DHRSX: variants seen among roughly 807,000 people sequenced by gnomAD.
DHRSX encodes the protein dehydrogenase/reductase X-linked.
DHRSX carries 31 observed loss-of-function variants against 34.0 expected under a neutral mutation model. The observed-to-expected ratio is 0.91, with a 90% confidence interval of 0.69 to 1.23. The LOEUF is 1.23. Among genes scored for constraint, DHRSX ranks in the 50% most tolerant of loss-of-function variants. DHRSX has a pLI of 0.00. For synonymous variants in DHRSX, 201 were observed against 183.8 expected, an observed-to-expected ratio of 1.09 and a Z score of -0.76; for missense variants, 414 against 428.1, an observed-to-expected ratio of 0.97 and a Z score of 0.29.
intron 5 of DHRSX, among the ~76,000 whole-genome samples, chrX:2,243,788 GTTTTTTTTTTTTTTTTTTT>G (rs778957532): frequency 1.6e-4 from 4 of 25,166 alleles, no homozygotes; most frequent in South Asian, 2.5e-3. Flanking sequence ...TATGCTCCCT[GTTTTTTTTTTTTTTTTTTT>G]TTTTTTTTTT....
At chrX:2,286,503 A>G (rs1602873267) in intron 4 of DHRSX, among the ~76,000 whole-genome samples, 1 of 152,128 alleles carries the variant, frequency 6.6e-6, no homozygotes, top group Non-Finnish European at 1.5e-5. Flanking sequence ...GCCCCTTTCC[A>G]AGCCCATGGG....
chrX:2,336,670 G>A (rs901726067), intron 3 of DHRSX, among the ~76,000 whole-genome samples: 1 of 151,526 alleles, frequency 6.6e-6, no homozygotes, highest in African/African-American at 2.4e-5. Context: ...CATGATCTTG[G>A]CTCACTGCAA....
intron 1 of DHRSX, among the ~76,000 whole-genome samples, chrX:2,448,347 C>T (rs1242721045): frequency 2.0e-5 from 3 of 152,002 alleles, no homozygotes; most frequent in Middle Eastern, 3.4e-3. Flanking sequence ...ATATAAATTA[C>T]ATTAAAATTA....
intron 1 of DHRSX, among the ~76,000 whole-genome samples, chrX:2,483,057 C>A (rs1014589378): frequency 1.4e-5 from 2 of 143,322 alleles, no homozygotes; most frequent in Admixed American, 6.8e-5. Context: ...CCTGGCAGAA[C>A]AAGCACAACT....
chrX:2,449,388 G>C (rs978590738), intron 1 of DHRSX, among the ~76,000 whole-genome samples: 1 of 152,126 alleles, frequency 6.6e-6, no homozygotes, highest in Non-Finnish European at 1.5e-5. Context: ...GTACATGCAA[G>C]GTGCACTGAG....
At chrX:2,293,482 G>A (rs775030379) in intron 3 of DHRSX, among the ~76,000 whole-genome samples, 1 of 152,292 alleles carries the variant, frequency 6.6e-6, no homozygotes, top group African/African-American at 2.4e-5. Flanking sequence ...CTTACATTGA[G>A]ATGGGAAGGT....
chrX:2,425,793 C>T (rs1425604719), intron 1 of DHRSX, among the ~76,000 whole-genome samples: 2 of 152,096 alleles, frequency 1.3e-5, no homozygotes, highest in Admixed American at 6.5e-5. Context: ...AGAGGAGGGG[C>T]GTGTTGACAC....
chrX:2,450,150 C>CAATA (rs67396748), intron 1 of DHRSX, among the ~76,000 whole-genome samples: 1 of 150,512 alleles, frequency 6.6e-6, no homozygotes, highest in Admixed American at 6.6e-5. Context: ...AAAAAAGTAC[C>CAATA]AATAAATAAA....
chrX:2,259,766 C>T (rs1254339627), intron 5 of DHRSX, among the ~76,000 whole-genome samples: 1 of 151,950 alleles, frequency 6.6e-6, no homozygotes. Context: ...GGTCAGATCA[C>T]TCCAGTCTCT....
Position 2,500,825 on chromosome X carries a change from A to C in DHRSX, c.101T>G (p.Leu34Arg). Residue 34 changes from leucine (L) to arginine (R), a missense_variant, in exon 1 of 7, where the codon CTG (leucine) becomes CGG (arginine). Coordinates refer to ENST00000334651, the MANE Select transcript of DHRSX (RefSeq NM_145177.3). ...QLLRRCRGGF[L>R]EPVFPPRPDR... Reference sequence around the variant, plus strand: ...TGCCCCGCCCCGCTGACCTGGCTCCAGGAAGCCCCCGCGGCAGCGCCGCAG... The same window carrying C: ...TGCCCCGCCCCGCTGACCTGGCTCCCGGAAGCCCCCGCGGCAGCGCCGCAG... The C allele has an allele frequency of 9.1e-7, 1 of 1,097,002 alleles. No homozygotes were observed. 68.0% of individuals were successfully genotyped at this position (1,097,002 alleles called of 1,614,324 possible).
In DHRSX at chrX:2,384,768, G is replaced by C. The variant is rs1477819196; in HGVS notation, c.286+23977C>G. Among the ~76,000 whole-genome samples, 9 of 113,200 alleles carry C rather than the reference G, an allele frequency of 8.0e-5. No homozygotes were observed. In the Admixed American group the frequency reaches 8.4e-4, roughly 11 times the overall value. 74.3% of individuals were successfully genotyped at this position (113,200 alleles called of 152,430 possible). A position where few individuals can be genotyped will look rare whatever the true frequency, so the allele number is the denominator to read the frequency against. ...CACACTCTGCGGACTGTTGTGGGGT[G>C]GGGGGAGGGGGGGGATGGCATTGGG... On this transcript the variant is annotated intron_variant, in intron 3 of 6. Coordinates refer to ENST00000334651, the MANE Select transcript of DHRSX (RefSeq NM_145177.3).
At chrX:2,282,637 A>AGAAAGAG (rs2041726304) in intron 4 of DHRSX, among the ~76,000 whole-genome samples, 1 of 93,938 alleles carries the variant, frequency 1.1e-5, no homozygotes, top group Non-Finnish European at 2.6e-5. Context: ...AAGAAGGGAA[A>AGAAAGAG]GGGAGGGAGA....
chrX:2,364,294 G>A (rs1172085270), intron 3 of DHRSX, among the ~76,000 whole-genome samples: 1 of 152,148 alleles, frequency 6.6e-6, no homozygotes, highest in East Asian at 1.9e-4. Context: ...TATAACTGCG[G>A]TGGGGGGTAT....
intron 1 of DHRSX, among the ~76,000 whole-genome samples, chrX:2,425,539 G>A (rs1271057852): frequency 6.6e-6 from 1 of 152,152 alleles, no homozygotes; most frequent in Non-Finnish European, 1.5e-5. Flanking sequence ...GTCATCCCCT[G>A]TGAGTCCCTG....
At chrX:2,483,417 G>A (rs917872446) in intron 1 of DHRSX, among the ~76,000 whole-genome samples, 55 of 151,996 alleles carry the variant, frequency 3.6e-4, no homozygotes, top group Admixed American at 2.2e-3. Context: ...ACAGACATGC[G>A]CCTCCATGCC....
intron 1 of DHRSX, chrX:2,489,874 C>G: frequency 6.2e-7 from 1 of 1,613,874 alleles, no homozygotes; most frequent in South Asian, 1.1e-5. Flanking sequence ...CTGCGACGTC[C>G]AGCAGGGAGC....
At chrX:2,243,788 G>GTTTTTTTTT (rs778957532) in intron 5 of DHRSX, among the ~76,000 whole-genome samples, 7 of 25,176 alleles carry the variant, frequency 2.8e-4, no homozygotes, top group Admixed American at 6.1e-4. Flanking sequence ...TATGCTCCCT[G>GTTTTTTTTT]TTTTTTTTTT....
At chrX:2,442,930 CAT>C (rs1469159553) in intron 1 of DHRSX, among the ~76,000 whole-genome samples, 2 of 152,188 alleles carry the variant, frequency 1.3e-5, no homozygotes, top group Admixed American at 6.5e-5. Context: ...TGTTCCGTCA[CAT>C]GTCACTATGA....
At chrX:2,344,276 C>G (rs2042674480) in intron 3 of DHRSX, among the ~76,000 whole-genome samples, 1 of 152,120 alleles carries the variant, frequency 6.6e-6, no homozygotes. Context: ...TAGAGAAATG[C>G]AAATCAAAAC....
Sources: gnomAD v4.1 joint callset for allele counts (sites outside exome capture counted in the v4.1 genomes callset) on GRCh38, gnomAD v4.1.1 for gene constraint, MANE v1.5 for transcripts, NCBI Gene and HGNC (gene_info 2026-07-23, HGNC 2026-07-21) for gene names.